SPAST: variants seen among roughly 807,000 people sequenced by gnomAD.
The protein encoded by SPAST is spastic paraplegia 4 (autosomal dominant; spastin).
Under a neutral mutation model 76.6 loss-of-function variants are expected in SPAST, and 30 were observed. The ratio of observed to expected loss-of-function variants is 0.39; its 90% confidence interval spans 0.29 to 0.53. The LOEUF (loss-of-function observed/expected upper bound fraction) is 0.53, where lower values mean the gene tolerates loss of function less well. Ranked by LOEUF, SPAST falls within the 20% of genes least tolerant of loss-of-function variation. The pLI, the probability that SPAST is intolerant of heterozygous loss-of-function variation, is 0.68. For synonymous variants in SPAST, 305 were observed against 281.0 expected (o/e 1.09, Z -0.86); for missense variants, 717 against 770.5 (o/e 0.93, Z 0.82).
intron 9 of SPAST, chr2:32,129,442 A>G (rs1027699124): frequency 6.6e-6 from 1 of 151,800 alleles, no homozygotes; most frequent in Admixed American, 6.6e-5. Flanking sequence ...TTCTTTTTCC[A>G]TTCACCCTCT....
At chr2:32,131,587 G>A (rs1418119704) in intron 9 of SPAST, among the ~76,000 whole-genome samples, 1 of 151,736 alleles carries the variant, frequency 6.6e-6, no homozygotes, top group African/African-American at 2.4e-5. Flanking sequence ...ATCTGCTCAG[G>A]ATCTCATAAC....
chr2:32,152,808 C>T (rs1680131805), intron 16 of SPAST, among the ~76,000 whole-genome samples: 1 of 151,578 alleles, frequency 6.6e-6, no homozygotes, highest in Non-Finnish European at 1.5e-5. Context: ...AATACATTGG[C>T]ATGCTCATGG....
intron 7 of SPAST, among the ~76,000 whole-genome samples, chr2:32,119,746 T>A (rs910096305): frequency 1.3e-5 from 2 of 152,184 alleles, no homozygotes; most frequent in African/African-American, 2.4e-5. Flanking sequence ...CCCTCTCCTC[T>A]CGCCCAAAAG....
In SPAST at chr2:32,137,193, G is replaced by T; in HGVS notation, c.1493+5G>T. 1 of 1,600,628 alleles carries T rather than the reference G, an allele frequency of 6.2e-7. No individual in the cohort carries two copies. Among genetic ancestry groups the T allele is most frequent in the Non-Finnish European group, 8.6e-7 (1 of 1,167,794 alleles). On this transcript the variant is annotated splice_donor_5th_base_variant and intron_variant, in intron 12 of 16. Transcript: ENST00000315285. The stretch of plus-strand genomic sequence containing the variant: ...GCTTGATGAGGCTGTTCTCAGGTAG[G>T]GAGATTTATATGGAAATACATGCAT...
intron 7 of SPAST, among the ~76,000 whole-genome samples, chr2:32,126,196 C>T (rs568750172): frequency 1.5e-4 from 23 of 152,230 alleles, no homozygotes; most frequent in African/African-American, 4.3e-4. Context: ...TTTTTGTTCA[C>T]GTCAGCGTGC....
intron 1 of SPAST, among the ~76,000 whole-genome samples, chr2:32,079,680 T>C (rs1677125399): frequency 6.8e-6 from 1 of 147,254 alleles, no homozygotes; most frequent in African/African-American, 2.5e-5. Context: ...CACCTCAGCC[T>C]CCCAAGTAGC....
rs1281959712 is a variant in SPAST, at chr2:32,155,989, T to C, written c.*1493T>C. 6.6e-6 allele frequency: 1 copy of C among 152,284 alleles called. No homozygotes were observed. Among genetic ancestry groups the C allele is most frequent in the Non-Finnish European group, 1.5e-5 (1 of 68,002 alleles). 9.4% of individuals were successfully genotyped at this position (152,284 alleles called of 1,614,324 possible). Reference sequence around the variant, plus strand: ...AGACATACATTCTTCTTAATTTTACTCTTGCTCTTGTTAAAGATTTGTTTG... The same window carrying C: ...AGACATACATTCTTCTTAATTTTACCCTTGCTCTTGTTAAAGATTTGTTTG... On this transcript the variant is annotated 3_prime_UTR_variant, in exon 17 of 17. Coordinates refer to ENST00000315285, the MANE Select transcript of SPAST (RefSeq NM_014946.4).
At chr2:32,136,829 C>G in intron 10 of SPAST, 48 bp from the exon 11 acceptor site, 1 of 1,443,232 alleles carries the variant, frequency 6.9e-7, no homozygotes, top group South Asian at 1.1e-5. Context: ...TCAGATGACT[C>G]ACATAGCTTG....
chr2:32,142,251 TATTCATTTAATGG>T, intron 13 of SPAST, among the ~76,000 whole-genome samples: 1 of 152,282 alleles, frequency 6.6e-6, no homozygotes, highest in South Asian at 2.1e-4. Flanking sequence ...AAATGTGGTA[TATTCATTTAATGG>T]ATACTGTTAT....
At chr2:32,091,368 C>T (rs1677710863) in intron 3 of SPAST, among the ~76,000 whole-genome samples, 1 of 150,266 alleles carries the variant, frequency 6.7e-6, no homozygotes, top group Non-Finnish European at 1.5e-5. Context: ...GCACCCTCCA[C>T]CTCCTGGGTT....
rs1051512775 is a variant in SPAST, at chr2:32,157,549, T to A, written c.*3053T>A. On this transcript the variant is annotated 3_prime_UTR_variant, in exon 17 of 17. Transcript: ENST00000315285. ...GTCTCAATTTTAGTCTGGTCTTTTG[T>A]ACTTTTCTTCAGAAGAAATGAATTA... 1 of 152,650 alleles carries A rather than the reference T, an allele frequency of 6.6e-6. No individual in the cohort carries two copies. Among genetic ancestry groups the A allele is most frequent in the Admixed American group, 6.5e-5 (1 of 15,280 alleles). The allele number at this position is 152,650 out of a possible 1,614,324, so 9.5% of individuals were successfully genotyped here.
chr2:32,148,953 G>A (rs570487004), intron 16 of SPAST, among the ~76,000 whole-genome samples: 72 of 150,628 alleles, frequency 4.8e-4, no homozygotes, highest in Admixed American at 2.0e-3. Context: ...TAGCCTGGGC[G>A]ACAGAGTGAG....
chr2:32,136,331 G>A (rs1679535670), intron 9 of SPAST, among the ~76,000 whole-genome samples: 1 of 152,108 alleles, frequency 6.6e-6, no homozygotes, highest in Admixed American at 6.6e-5. Flanking sequence ...AATGCAGGGT[G>A]AAGCAAAACA....
intron 1 of SPAST, among the ~76,000 whole-genome samples, chr2:32,065,051 G>A (rs982668196): frequency 6.1e-5 from 9 of 148,380 alleles, no homozygotes; most frequent in African/African-American, 2.0e-4. Flanking sequence ...ACGGAATCTC[G>A]CCCTGTCGCC....
chr2:32,114,563 T>C (rs1055442009), intron 4 of SPAST, 75 bp from the exon 5 acceptor site: 96 of 1,163,488 alleles, frequency 8.3e-5, no homozygotes, highest in Non-Finnish European at 1.1e-4. Flanking sequence ...ATTACCTTGG[T>C]TTTACAAATG....
intron 12 of SPAST, 57 bp downstream of exon 12, chr2:32,137,245 G>A: frequency 8.0e-7 from 1 of 1,252,212 alleles, no homozygotes; most frequent in Non-Finnish European, 1.2e-6. Flanking sequence ...TTACTCATGT[G>A]TCCATCTTAC....
intron 4 of SPAST, among the ~76,000 whole-genome samples, chr2:32,114,430 G>A (rs567167874): frequency 2.6e-5 from 4 of 151,924 alleles, no homozygotes; most frequent in African/African-American, 7.3e-5. Context: ...AGAATTATAC[G>A]TTAGGGGGAA....
At chr2:32,104,269 T>G (rs966755383) in intron 4 of SPAST, among the ~76,000 whole-genome samples, 8 of 152,192 alleles carry the variant, frequency 5.3e-5, no homozygotes, top group African/African-American at 1.9e-4. Flanking sequence ...AGAGTTGGAT[T>G]GCAAACCCTG....
At chr2:32,108,369 G>T (rs375345682) in intron 4 of SPAST, among the ~76,000 whole-genome samples, 1 of 151,938 alleles carries the variant, frequency 6.6e-6, no homozygotes, top group African/African-American at 2.4e-5. Flanking sequence ...ACTTTCACCC[G>T]TAGTTTGGTT....
Sources: allele counts gnomAD v4.1 joint callset (sites outside exome capture counted in the v4.1 genomes callset), GRCh38; gene constraint gnomAD v4.1.1; transcripts MANE v1.5; gene names NCBI Gene and HGNC (gene_info 2026-07-23, HGNC 2026-07-21).